WDFY4: variants seen among roughly 807,000 people sequenced by gnomAD.
WDFY4 encodes WDFY family member 4, also known as WD repeat- and FYVE domain-containing protein 4.
A neutral mutation model predicts 351.9 loss-of-function variants in WDFY4; 169 were observed. That is an observed-to-expected ratio of 0.48 (90% CI 0.42 to 0.55). The LOEUF is 0.55. Among genes scored for constraint, WDFY4 ranks in the 20% least tolerant of loss-of-function variants. WDFY4 has a pLI of 0.00. For missense variants in WDFY4, 3,803 were observed against 3,935.6 expected (o/e 0.97, Z 0.90); for synonymous variants, 1,622 against 1,574.6 (o/e 1.03, Z -0.71).
At chr10:48,906,904 T>C (rs983154489) in intron 47 of WDFY4, among the ~76,000 whole-genome samples, 1 of 152,052 alleles carries the variant, frequency 6.6e-6, no homozygotes, top group Non-Finnish European at 1.5e-5. Flanking sequence ...TATATTATTT[T>C]CCAGGGATAG....
Position 48,968,949 on chromosome 10 carries a change from C to T in WDFY4, c.8585-115C>T, listed in dbSNP as rs1404870481. On this transcript the variant is annotated intron_variant, in intron 55 of 61. Transcript: ENST00000325239. ...AGGGCCCAGCTGCAGTGGGTGCTGT[C>T]CTTCCATGCTTAAGTTCAAGTCCAG... 3.2e-5 allele frequency: 35 copies of T among 1,084,996 alleles called. 1 individual carries two copies. The highest frequency in any genetic ancestry group is 4.6e-5 in the Non-Finnish European group (35 of 756,350). 67.2% of individuals were successfully genotyped at this position (1,084,996 alleles called of 1,614,324 possible).
chr10:48,817,133 A>G, intron 31 of WDFY4, 112 bp from the exon 32 acceptor site: 1 of 1,259,452 alleles, frequency 7.9e-7, no homozygotes, highest in South Asian at 1.4e-5. Flanking sequence ...TAAATAATGT[A>G]TCTTGTTGAA....
At chr10:48,904,228 G>A (rs904883273) in intron 47 of WDFY4, among the ~76,000 whole-genome samples, 2 of 152,190 alleles carry the variant, frequency 1.3e-5, no homozygotes, top group Admixed American at 6.5e-5. Flanking sequence ...CAGGGGACCC[G>A]GGCAGCAGTG....
chr10:48,909,029 G>A (rs1022267857), intron 47 of WDFY4, among the ~76,000 whole-genome samples: 11 of 41,808 alleles, frequency 2.6e-4, no homozygotes, highest in Non-Finnish European at 3.7e-4. Context: ...TGTGACTTTT[G>A]GAGATGGGCA....
At chr10:48,952,915 A>G (rs1841399225) in intron 51 of WDFY4, among the ~76,000 whole-genome samples, 1 of 152,160 alleles carries the variant, frequency 6.6e-6, no homozygotes, top group African/African-American at 2.4e-5. Context: ...GGCTCAGAGA[A>G]TGCTGGGTCC....
chr10:48,901,697 AG>A, intron 46 of WDFY4, 103 bp from the exon 47 acceptor site: 1 of 1,241,492 alleles, frequency 8.1e-7, no homozygotes, highest in Middle Eastern at 1.9e-4. Context: ...AGCGAGGGGG[AG>A]CAATAATGAG....
At chr10:48,828,923 TGGGCGGG>T in intron 37 of WDFY4, 27 bp downstream of exon 37, 1 of 4,756 alleles carries the variant, frequency 2.1e-4, no homozygotes, top group African/African-American at 1.9e-3. Context: ...ATTGTGTGTG[TGGGCGGG>T]GGGGGGGCGG....
chr10:48,918,284 T>C (rs1838734476), intron 47 of WDFY4, among the ~76,000 whole-genome samples: 1 of 152,130 alleles, frequency 6.6e-6, no homozygotes, highest in Non-Finnish European at 1.5e-5. Flanking sequence ...AAAGACACAA[T>C]TATCAGGATA....
intron 13 of WDFY4, among the ~76,000 whole-genome samples, chr10:48,762,549 C>CCTGTCTGCT: frequency 6.6e-6 from 1 of 152,364 alleles, no homozygotes; most frequent in South Asian, 2.1e-4. Context: ...ACAGGCATGG[C>CCTGTCTGCT]CTGTCTGCTC....
intron 61 of WDFY4, 77 bp from the exon 62 acceptor site, chr10:48,982,431 GT>G: frequency 7.7e-7 from 1 of 1,300,488 alleles, no homozygotes; most frequent in Non-Finnish European, 1.0e-6. Context: ...GAGCCCCAGA[GT>G]TGCAATATCC....
chr10:48,910,031 C>G (rs917464361), intron 47 of WDFY4: 48 of 546,466 alleles, frequency 8.8e-5, no homozygotes, highest in Non-Finnish European at 1.0e-4. Context: ...AAATATTTCC[C>G]AAAGTCATTT....
At chr10:48,874,575 T>G (rs2069919207) in intron 41 of WDFY4, among the ~76,000 whole-genome samples, 1 of 152,176 alleles carries the variant, frequency 6.6e-6, no homozygotes, top group South Asian at 2.1e-4. Context: ...ATACTTAAAT[T>G]TTCTAAGTAT....
chr10:48,770,315 TG>T (rs1204820685), intron 13 of WDFY4, among the ~76,000 whole-genome samples: 1 of 152,184 alleles, frequency 6.6e-6, no homozygotes, highest in Non-Finnish European at 1.5e-5. Flanking sequence ...CCTGCTATGT[TG>T]GGGGGAAAGA....
chr10:48,780,190 G>T (rs2066173258), intron 19 of WDFY4, 71 bp downstream of exon 19: 1 of 1,502,456 alleles, frequency 6.7e-7, no homozygotes, highest in Admixed American at 2.1e-5. Flanking sequence ...AGTGGCCTCG[G>T]TTTCATTCTA....
intron 26 of WDFY4, 116 bp from the exon 27 acceptor site, chr10:48,805,888 C>A: frequency 1.2e-6 from 1 of 842,350 alleles, no homozygotes; most frequent in Admixed American, 2.0e-5. Flanking sequence ...GATGATTTCC[C>A]TTAAACTCTC....
At chr10:48,710,554 C>T (rs571414430) in intron 2 of WDFY4, among the ~76,000 whole-genome samples, 1 of 152,270 alleles carries the variant, frequency 6.6e-6, no homozygotes, top group African/African-American at 2.4e-5. Flanking sequence ...ATTGTTCCAT[C>T]ACAAACCCAG....
At chr10:48,785,203 A>C (rs576475084) in intron 19 of WDFY4, among the ~76,000 whole-genome samples, 1 of 152,214 alleles carries the variant, frequency 6.6e-6, no homozygotes, top group East Asian at 1.9e-4. Context: ...TAAAATGTAT[A>C]CATATATGTG....
chr10:48,719,453 A>C (rs1044927682), intron 2 of WDFY4, among the ~76,000 whole-genome samples: 22 of 152,222 alleles, frequency 1.4e-4, no homozygotes, highest in African/African-American at 5.3e-4. Context: ...GGAGAGTCTA[A>C]TCTGCTCAAC....
chr10:48,872,082 A>T (rs892999746), intron 40 of WDFY4, among the ~76,000 whole-genome samples: 2 of 152,196 alleles, frequency 1.3e-5, no homozygotes, highest in Non-Finnish European at 2.9e-5. Flanking sequence ...AACATGATGG[A>T]TGATCAGGTC....
Sources: allele counts gnomAD v4.1 joint callset (sites outside exome capture counted in the v4.1 genomes callset), GRCh38; gene constraint gnomAD v4.1.1; transcripts MANE v1.5; gene names NCBI Gene and HGNC (gene_info 2026-07-23, HGNC 2026-07-21).